Variants in ADH5 observed in about 807,000 individuals in gnomAD.
ADH5 encodes alcohol dehydrogenase class-3.
ADH5 carries 32 observed loss-of-function variants against 40.3 expected under a neutral mutation model. The observed-to-expected ratio is 0.79, with a 90% CI of 0.60 to 1.07. ADH5 has a LOEUF of 1.07. Among genes scored for constraint, ADH5 ranks in the 50% least tolerant of loss-of-function variants. ADH5 has a pLI of 0.00. For missense variants in ADH5, 353 were observed against 460.5 expected (o/e 0.77, Z 2.14); for synonymous variants, 125 against 154.3 (o/e 0.81, Z 1.41).
intron 1 of ADH5, among the ~76,000 whole-genome samples, chr4:99,086,417 G>A (rs1400295903): frequency 6.6e-6 from 1 of 152,150 alleles, no homozygotes; most frequent in African/African-American, 2.4e-5. Context: ...AAGGTTGTAA[G>A]CCACTGGGTT....
chr4:99,079,284 T>G (rs140086457), intron 4 of ADH5, among the ~76,000 whole-genome samples: 1 of 152,184 alleles, frequency 6.6e-6, no homozygotes, highest in Non-Finnish European at 1.5e-5. Flanking sequence ...GGATCAATAC[T>G]GGTATTTTGA....
intron 7 of ADH5, among the ~76,000 whole-genome samples, chr4:99,073,381 T>C (rs546631921): frequency 5.9e-5 from 9 of 152,282 alleles, no homozygotes; most frequent in Non-Finnish European, 1.0e-4. Context: ...GGTTTCACCA[T>C]GTTACCCAGG....
rs1368511954 is a variant in ADH5, at chr4:99,081,442, G to A, written c.267C>T (p.Val89=). 2 of 1,607,738 alleles carry A rather than the reference G, an allele frequency of 1.2e-6. No individual in the cohort carries two copies. Among genetic ancestry groups the A allele is most frequent in the Non-Finnish European group, 1.7e-6 (2 of 1,176,398 alleles). Reference sequence around the variant, plus strand: ...CACACTGTGGGATGTAAAGTGGGATGACAGTGTCACCTGGAAACAAATGCA... The same window carrying A: ...CACACTGTGGGATGTAAAGTGGGATAACAGTGTCACCTGGAAACAAATGCA... ...GVTKLKAGDT[V]IPLYIPQCGE... is the part of the protein sequence containing the mutation. The change falls in exon 4 of 9, where the codon GTC becomes GTT. Residue 89 remains valine (V), a synonymous_variant. Coordinates refer to ENST00000296412, the MANE Select transcript of ADH5 (RefSeq NM_000671.4).
intron 6 of ADH5, 32 bp from the exon 7 acceptor site, chr4:99,075,081 A>G: frequency 6.7e-7 from 1 of 1,498,704 alleles, no homozygotes; most frequent in Non-Finnish European, 9.0e-7. Flanking sequence ...CAAATCACAG[A>G]AGTCAGTGCA....
chr4:99,076,529 G>A lies in ADH5; in HGVS notation c.588C>T (p.Ala196=), dbSNP rs1052830593. Reference sequence around the variant, plus strand: ...ATCCGACTCCTCCCAGACCAAAGACGGCACAAACAGAGCCAGGCTCCAACT... The same window carrying A: ...ATCCGACTCCTCCCAGACCAAAGACAGCACAAACAGAGCCAGGCTCCAACT... The part of the protein sequence containing the change: ...TAKLEPGSVC[A]VFGLGGVGLA... Residue 196 remains alanine, a synonymous_variant, in exon 6 of 9, where the codon GCC becomes GCT. Transcript: ENST00000296412. 1.9e-6 allele frequency: 3 copies of A among 1,613,674 alleles called. No individual in the cohort carries two copies. Among genetic ancestry groups the A allele is most frequent in the African/African-American group, 2.7e-5 (2 of 74,902 alleles).
In ADH5 at chr4:99,076,750, C is replaced by A; in HGVS notation, c.518G>T (p.Gly173Val). The change falls in exon 5 of 9, where the codon GGT (glycine) becomes GTT (valine). Residue 173 changes from glycine to valine, a missense_variant. Coordinates refer to ENST00000296412, the MANE Select transcript of ADH5 (RefSeq NM_000671.4). ...LAPLDKVCLL[G>V]CGISTGYGAA... ...ACCATAACCGGTTGAAATGCCACAA[C>A]CTAGAAGGCAGACTTTATCCAAAGG... The A allele has an allele frequency of 1.9e-6, 3 of 1,613,998 alleles. No homozygotes were observed. Among genetic ancestry groups the A allele is most frequent in the Non-Finnish European group, 2.5e-6 (3 of 1,179,890 alleles).
At chr4:99,076,115 T>C in intron 6 of ADH5, 177 bp downstream of exon 6, 2 of 630,204 alleles carry the variant, frequency 3.2e-6, no homozygotes, top group Non-Finnish European at 2.7e-6. Context: ...CATCCTTCCC[T>C]GAGCTGTTCT....
At chr4:99,079,624 T>G (rs1727990185) in intron 4 of ADH5, among the ~76,000 whole-genome samples, 1 of 151,850 alleles carries the variant, frequency 6.6e-6, no homozygotes, top group South Asian at 2.1e-4. Flanking sequence ...TGCTTTATAA[T>G]ATGCATGCTC....
chr4:99,081,657 A>G, intron 3 of ADH5: 2 of 574,582 alleles, frequency 3.5e-6, no homozygotes, highest in Non-Finnish European at 6.2e-6. Context: ...GAAACTCTTT[A>G]AACAATAACT....
chr4:99,076,435 T>C lies in ADH5; in HGVS notation c.682A>G (p.Lys228Glu), dbSNP rs202151319. 5.3e-5 allele frequency: 85 copies of C among 1,614,080 alleles called. No individual in the cohort carries two copies. The highest frequency in any genetic ancestry group is 4.8e-5 in the Non-Finnish European group (57 of 1,180,042). The change falls in exon 6 of 9, where the codon AAA becomes GAA. Residue 228 changes from lysine to glutamate, a missense_variant. Lys to Glu is a moderately conservative substitution (Grantham distance 56). Transcript: ENST00000296412. ...CCAAACTCTTTGGCCCTTGCAAATTTATCTTTATTGATGTCCACACCAATG... is the reference window on the plus strand; with the variant it reads ...CCAAACTCTTTGGCCCTTGCAAATTCATCTTTATTGATGTCCACACCAATG... ...RIIGVDINKDKFARAKEFGAT... is the reference protein window; with the variant it reads ...RIIGVDINKDEFARAKEFGAT...
intron 2 of ADH5, 126 bp downstream of exon 2, chr4:99,084,989 G>T: frequency 2.3e-6 from 1 of 426,792 alleles, no homozygotes; most frequent in South Asian, 1.0e-4. Flanking sequence ...AAGGCTGGAT[G>T]ACTTTCAACA....
At position 99,082,042 on chromosome 4, in the gene ADH5, C is replaced by A. The variant is rs777224215; in HGVS notation, c.189G>T (p.Val63=). ...TTCCAGCACCTTCATGTCCCAAGAT[C>A]ACTGGAAAACAACCCTCAGGATCAG... The part of the protein sequence containing the change: ...SGADPEGCFP[V]ILGHEGAGIV... The change falls in exon 3 of 9, where the codon GTG becomes GTT. Residue 63 remains valine, a synonymous_variant. Transcript: ENST00000296412. 1.9e-6 allele frequency: 3 copies of A among 1,613,940 alleles called. No individual in the cohort carries two copies. The highest frequency in any genetic ancestry group is 3.3e-5 in the Admixed American group (2 of 60,022).
At chr4:99,077,304 C>G (rs764191630) in intron 4 of ADH5, among the ~76,000 whole-genome samples, 4 of 152,120 alleles carry the variant, frequency 2.6e-5, no homozygotes, top group Non-Finnish European at 5.9e-5. Flanking sequence ...AGGAGGACAA[C>G]TTGGAGCCAG....
Position 99,081,957 on chromosome 4 carries a change from T to A in ADH5, c.256+18A>T, listed in dbSNP as rs745666836. 1 of 1,612,462 alleles carries A rather than the reference T, an allele frequency of 6.2e-7. No homozygotes were observed. Among genetic ancestry groups the A allele is most frequent in the Non-Finnish European group, 8.5e-7 (1 of 1,179,236 alleles). ...TAAGCCAAAATTATTAAACAAGTGG[T>A]TCAAGTATTCTCCTTACCCGCCTTC... On this transcript the variant is annotated intron_variant, in intron 3 of 8. Coordinates refer to ENST00000296412, the MANE Select transcript of ADH5 (RefSeq NM_000671.4).
In ADH5 at chr4:99,088,707, G is replaced by A. The variant is rs909405693; in HGVS notation, c.-7C>T. ...GCCCTACCTCGTTCGCCATGTTCAC[G>A]GATTCTGGTCGGCGCGGGGGGCTGA... On this transcript the variant is annotated 5_prime_UTR_variant, in exon 1 of 9. Coordinates refer to ENST00000296412, the MANE Select transcript of ADH5 (RefSeq NM_000671.4). The A allele has an allele frequency of 8.2e-6, 13 of 1,594,112 alleles. No individual in the cohort carries two copies. Among genetic ancestry groups the A allele is most frequent in the South Asian group, 7.8e-5 (7 of 89,604 alleles).
chr4:99,081,843 G>A (rs923122265), intron 3 of ADH5, 132 bp downstream of exon 3: 1 of 884,728 alleles, frequency 1.1e-6, no homozygotes, highest in African/African-American at 1.7e-5. Context: ...CCCAGATGAG[G>A]AATCAACTTA....
Position 99,088,731 on chromosome 4 carries a change from G to C in ADH5, c.-31C>G, listed in dbSNP as rs1198665101. On this transcript the variant is annotated 5_prime_UTR_variant, in exon 1 of 9. It introduces an in-frame stop codon into an upstream open reading frame of the 5' UTR. Transcript: ENST00000296412. ...CGGATTCTGGTCGGCGCGGGGGGCT[G>C]ACATCCGGGGTGGGCCGCGCAGCGA... is the stretch of plus-strand genomic sequence containing the variant. The C allele has an allele frequency of 2.6e-6, 4 of 1,554,504 alleles. No homozygotes were observed. The highest frequency in any genetic ancestry group is 3.5e-6 in the Non-Finnish European group (4 of 1,145,804).
chr4:99,081,989 G>A lies in ADH5; in HGVS notation c.242C>T (p.Thr81Ile), dbSNP rs749034329. ...GIVESVGEGVTKLKAGDTVIP... is the reference protein window; with the variant it reads ...GIVESVGEGVIKLKAGDTVIP... ...ATTCTCCTTACCCGCCTTCAGCTTAGTAACTCCCTCACCAACACTTTCCAC... is the reference window on the plus strand; with the variant it reads ...ATTCTCCTTACCCGCCTTCAGCTTAATAACTCCCTCACCAACACTTTCCAC... Residue 81 changes from threonine to isoleucine, a missense_variant, in exon 3 of 9, where the codon ACT becomes ATT. Thr to Ile is a moderately conservative substitution (Grantham distance 89). Transcript: ENST00000296412. The A allele has an allele frequency of 6.2e-7, 1 of 1,613,774 alleles. No individual in the cohort carries two copies. The highest frequency in any genetic ancestry group is 8.5e-7 in the Non-Finnish European group (1 of 1,179,738).
intron 1 of ADH5, among the ~76,000 whole-genome samples, chr4:99,087,049 G>A (rs1263906950): frequency 3.3e-5 from 5 of 151,690 alleles, no homozygotes; most frequent in Admixed American, 6.6e-5. Flanking sequence ...AGAACAAACG[G>A]TTGAGGGAAA....
Sources: allele counts gnomAD v4.1 joint callset (sites outside exome capture counted in the v4.1 genomes callset), GRCh38; gene constraint gnomAD v4.1.1; transcripts MANE v1.5; gene names NCBI Gene and HGNC (gene_info 2026-07-23, HGNC 2026-07-21).